Variants in TMPRSS11D observed in about 807,000 individuals in gnomAD.
TMPRSS11D encodes transmembrane protease serine 11D.
Under a neutral mutation model 44.4 loss-of-function variants are expected in TMPRSS11D, and 32 were observed. That is an observed-to-expected ratio of 0.72 (90% CI 0.54 to 0.97). The LOEUF (loss-of-function observed/expected upper bound fraction) is 0.97, where lower values mean the gene tolerates loss of function less well. Ranked by LOEUF, TMPRSS11D falls within the 50% of genes least tolerant of loss-of-function variation. TMPRSS11D has a pLI of 0.00. For synonymous variants in TMPRSS11D, 179 were observed against 177.9 expected, an observed-to-expected ratio of 1.01 and a Z score of -0.05; for missense variants, 446 against 502.6, an observed-to-expected ratio of 0.89 and a Z score of 1.08.
intron 2 of TMPRSS11D, among the ~76,000 whole-genome samples, chr4:67,856,832 G>A (rs1347412306): frequency 3.3e-5 from 5 of 151,826 alleles, no homozygotes; most frequent in African/African-American, 9.7e-5. Flanking sequence ...GAACATGAGC[G>A]AACAGTTCTC....
chr4:67,822,328 C>G lies in TMPRSS11D; in HGVS notation c.*9G>C. 1 of 1,613,454 alleles carries G rather than the reference C, an allele frequency of 6.2e-7. No homozygotes were observed. The highest frequency in any genetic ancestry group is 8.5e-7 in the Non-Finnish European group (1 of 1,179,522). ...ATACAGACTTTGCAACAGGGATGCACTTGTTGCACTAGATCCCAGTTTGTT... is the reference window on the plus strand; with the variant it reads ...ATACAGACTTTGCAACAGGGATGCAGTTGTTGCACTAGATCCCAGTTTGTT... On this transcript the variant is annotated 3_prime_UTR_variant, in exon 10 of 10. Transcript: ENST00000283916.
In TMPRSS11D at chr4:67,861,354, T is replaced by C. The variant is rs145074498; in HGVS notation, c.9-1676A>G. ...TCATGGGGTTATTGTGCCTGTTACATGCAATCACAAATGCATAGTGTCTGG... is the reference window on the plus strand; with the variant it reads ...TCATGGGGTTATTGTGCCTGTTACACGCAATCACAAATGCATAGTGTCTGG... On this transcript the variant is annotated intron_variant, in intron 1 of 9. Coordinates refer to ENST00000283916, the MANE Select transcript of TMPRSS11D (RefSeq NM_004262.3). Among the ~76,000 whole-genome samples, 804 of 152,238 alleles carry C rather than the reference T, an allele frequency of 5.3e-3. 1 individual carries two copies. The highest frequency in any genetic ancestry group is 0.031 in the Middle Eastern group (9 of 294).
intron 1 of TMPRSS11D, among the ~76,000 whole-genome samples, chr4:67,867,167 A>AAAT (rs1309662120): frequency 2.6e-5 from 4 of 152,118 alleles, no homozygotes; most frequent in Admixed American, 2.0e-4. Flanking sequence ...GAGAACCCAG[A>AAAT]AATAAAGCCA....
intron 1 of TMPRSS11D, among the ~76,000 whole-genome samples, chr4:67,881,296 G>A (rs1271119518): frequency 6.6e-6 from 1 of 152,128 alleles, no homozygotes; most frequent in African/African-American, 2.4e-5. Context: ...AAAATAGATT[G>A]GGAGTGCCTT....
chr4:67,869,423 G>A (rs188992701), intron 1 of TMPRSS11D, among the ~76,000 whole-genome samples: 4 of 151,956 alleles, frequency 2.6e-5, no homozygotes, highest in Admixed American at 6.6e-5. Context: ...TTACCTATAC[G>A]CTATATAATT....
Position 67,838,284 on chromosome 4 carries a change from T to C in TMPRSS11D, c.363A>G (p.Gln121=), listed in dbSNP as rs368208317. 146 of 1,598,374 alleles carry C rather than the reference T, an allele frequency of 9.1e-5. 1 individual carries two copies. The highest frequency in any genetic ancestry group is 1.2e-4 in the Non-Finnish European group (136 of 1,173,766). Reference sequence around the variant, plus strand: ...ATGCTCCATTGTTATTTCTAGTGAATTGAAATTTCATGACAACATCCGCTC... The same window carrying C: ...ATGCTCCATTGTTATTTCTAGTGAACTGAAATTTCATGACAACATCCGCTC... ...GVRADVVMKF[Q]FTRNNNGASM... Residue 121 remains glutamine (Q), a synonymous_variant, in exon 5 of 10, where the codon CAA becomes CAG. Transcript: ENST00000283916.
intron 5 of TMPRSS11D, 71 bp from the exon 6 acceptor site, chr4:67,835,192 T>C: frequency 7.2e-7 from 1 of 1,391,748 alleles, no homozygotes; most frequent in Non-Finnish European, 1.0e-6. Context: ...TTTCTTAAAG[T>C]ACAGTACCCA....
At chr4:67,859,849 G>A (rs555102477) in intron 1 of TMPRSS11D, among the ~76,000 whole-genome samples, 171 bp from the exon 2 acceptor site, 1 of 151,962 alleles carries the variant, frequency 6.6e-6, no homozygotes, top group Non-Finnish European at 1.5e-5. Flanking sequence ...GTCCGTAGTG[G>A]TTTTTCTTTC....
chr4:67,855,149 G>A (rs1718603675), intron 2 of TMPRSS11D, among the ~76,000 whole-genome samples: 1 of 151,726 alleles, frequency 6.6e-6, no homozygotes, highest in African/African-American at 2.4e-5. Context: ...CAGCTACTTG[G>A]GAGGCTGAGG....
At chr4:67,859,096 A>G (rs994442256) in intron 2 of TMPRSS11D, among the ~76,000 whole-genome samples, 22 of 152,168 alleles carry the variant, frequency 1.4e-4, no homozygotes, top group African/African-American at 5.3e-4. Flanking sequence ...AGACAGAAGC[A>G]TTATTTGTTA....
chr4:67,825,264 T>G (rs1360697819), intron 9 of TMPRSS11D, among the ~76,000 whole-genome samples: 1 of 151,908 alleles, frequency 6.6e-6, no homozygotes, highest in Non-Finnish European at 1.5e-5. Context: ...TATTTAATCC[T>G]TCACAGCAGT....
intron 4 of TMPRSS11D, among the ~76,000 whole-genome samples, chr4:67,839,591 A>T (rs2109670238): frequency 6.6e-6 from 1 of 152,196 alleles, no homozygotes; most frequent in East Asian, 1.9e-4. Flanking sequence ...GTTGAACTTG[A>T]GGTTTTAGAA....
At chr4:67,829,891 C>T (rs975430285) in intron 7 of TMPRSS11D, among the ~76,000 whole-genome samples, 1 of 151,836 alleles carries the variant, frequency 6.6e-6, no homozygotes, top group Non-Finnish European at 1.5e-5. Context: ...GAAATGGGGC[C>T]TCTTTTGCAA....
At chr4:67,862,762 A>G (rs2109692023) in intron 1 of TMPRSS11D, among the ~76,000 whole-genome samples, 1 of 152,234 alleles carries the variant, frequency 6.6e-6, no homozygotes, top group South Asian at 2.1e-4. Context: ...TTGTAGGGAC[A>G]TAGATGAAGC....
intron 2 of TMPRSS11D, among the ~76,000 whole-genome samples, chr4:67,856,785 TA>T (rs200687383): frequency 1.3e-5 from 2 of 149,380 alleles, no homozygotes; most frequent in Admixed American, 6.7e-5. Context: ...AACTCAACAC[TA>T]AAAAAAAATA....
intron 3 of TMPRSS11D, among the ~76,000 whole-genome samples, chr4:67,848,765 A>G (rs1322463423): frequency 6.6e-6 from 1 of 152,228 alleles, no homozygotes; most frequent in Non-Finnish European, 1.5e-5. Flanking sequence ...AATGAAAGAA[A>G]GCCAGTGCAA....
intron 5 of TMPRSS11D, 99 bp downstream of exon 5, chr4:67,838,072 CA>C (rs1718140627): frequency 9.5e-7 from 1 of 1,052,190 alleles, no homozygotes; most frequent in African/African-American, 1.7e-5. Context: ...AGTTTAGTTT[CA>C]AAGAAAGAAA....
At chr4:67,882,308 T>G (rs538883097) in intron 1 of TMPRSS11D, among the ~76,000 whole-genome samples, 1 of 152,316 alleles carries the variant, frequency 6.6e-6, no homozygotes, top group Non-Finnish European at 1.5e-5. Flanking sequence ...TAATTTTCCT[T>G]CTGTTATTTG....
chr4:67,833,421 T>C, intron 6 of TMPRSS11D, 40 bp from the exon 7 acceptor site: 1 of 1,375,088 alleles, frequency 7.3e-7, no homozygotes, highest in East Asian at 2.7e-5. Context: ...AAGATCATGA[T>C]TCCTTTACAT....
Sources: allele counts gnomAD v4.1 joint callset (sites outside exome capture counted in the v4.1 genomes callset), GRCh38; gene constraint gnomAD v4.1.1; transcripts MANE v1.5; gene names NCBI Gene and HGNC (gene_info 2026-07-23, HGNC 2026-07-21).